Variants in TECRL observed in about 807,000 individuals in gnomAD.
TECRL encodes trans-2,3-enoyl-CoA reductase like, also known as trans-2,3-enoyl-CoA reductase-like.
In TECRL, 63 loss-of-function variants were observed where a neutral mutation model predicts 52.8. The observed-to-expected ratio is 1.19, with a 90% CI of 0.97 to 1.47. The LOEUF (loss-of-function observed/expected upper bound fraction) is 1.47. Ranked by LOEUF, TECRL falls within the 40% of genes most tolerant of loss-of-function variation. The pLI is 0.00. For missense variants in TECRL, 482 were observed against 429.6 expected (o/e 1.12, Z -1.08); for synonymous variants, 164 against 141.9 (o/e 1.16, Z -1.10).
At chr4:64,392,331 T>G (rs1028061448) in intron 1 of TECRL, among the ~76,000 whole-genome samples, 13 of 151,806 alleles carry the variant, frequency 8.6e-5, no homozygotes, top group African/African-American at 3.1e-4. Flanking sequence ...ATAGTAATAT[T>G]TATTTGCGTC....
chr4:64,304,511 T>A (rs1724212342), intron 7 of TECRL, among the ~76,000 whole-genome samples: 2 of 152,024 alleles, frequency 1.3e-5, no homozygotes, highest in Non-Finnish European at 2.9e-5. Context: ...CCCACAAAAA[T>A]AATTGTCAAA....
At chr4:64,388,850 CAT>C (rs1351273389) in intron 1 of TECRL, among the ~76,000 whole-genome samples, 1 of 151,710 alleles carries the variant, frequency 6.6e-6, no homozygotes, top group African/African-American at 2.4e-5. Flanking sequence ...AACAATTACA[CAT>C]GATTGTTTTA....
intron 2 of TECRL, among the ~76,000 whole-genome samples, chr4:64,353,434 G>T (rs10014267): frequency 0.66 from 100,789 of 151,980 alleles, 34,783 homozygotes; most frequent in Non-Finnish European, 0.76. Flanking sequence ...TTGAACTGTG[G>T]TTGTTATAAT....
intron 1 of TECRL, among the ~76,000 whole-genome samples, chr4:64,392,171 A>T (rs374496656): frequency 2.6e-4 from 39 of 152,062 alleles, no homozygotes; most frequent in African/African-American, 7.7e-4. Context: ...AGGTAATTAA[A>T]TTAGGTTAGG....
intron 7 of TECRL, 56 bp from the exon 8 acceptor site, chr4:64,300,073 T>C: frequency 3.0e-6 from 4 of 1,319,464 alleles, no homozygotes; most frequent in Non-Finnish European, 4.2e-6. Context: ...GATTGTCAAA[T>C]ATATAGACAT....
intron 9 of TECRL, among the ~76,000 whole-genome samples, chr4:64,282,306 T>C (rs556619889): frequency 1.3e-5 from 2 of 152,094 alleles, no homozygotes; most frequent in East Asian, 3.9e-4. Flanking sequence ...AATTATAAAA[T>C]TACTGTTTTA....
In TECRL at chr4:64,278,413, A is replaced by G. The variant is rs1311338233; in HGVS notation, c.*1659T>C. On this transcript the variant is annotated 3_prime_UTR_variant, in exon 12 of 12. Transcript: ENST00000381210. ...ATTGTCAAAATAATGAGATTCAAGT[A>G]ATTTAAATGTCAAAACTTTAAAAAA... 4.1e-6 allele frequency: 1 copy of G among 245,134 alleles called. No individual in the cohort carries two copies. The highest frequency in any genetic ancestry group is 6.5e-6 in the Non-Finnish European group (1 of 153,402). 15.2% of individuals were successfully genotyped at this position (245,134 alleles called of 1,614,324 possible).
intron 2 of TECRL, among the ~76,000 whole-genome samples, chr4:64,336,235 T>C (rs1028105037): frequency 2.0e-5 from 3 of 152,212 alleles, no homozygotes; most frequent in Non-Finnish European, 4.4e-5. Flanking sequence ...CCTGGTTTAG[T>C]CTTGAGAGGG....
chr4:64,282,933 G>A (rs911715014), intron 9 of TECRL, among the ~76,000 whole-genome samples: 6 of 152,046 alleles, frequency 3.9e-5, no homozygotes, highest in Middle Eastern at 3.4e-3. Context: ...AAGTCAGGAG[G>A]TTTTTTACAT....
At chr4:64,362,624 A>G (rs1383814934) in intron 2 of TECRL, among the ~76,000 whole-genome samples, 1 of 142,194 alleles carries the variant, frequency 7.0e-6, no homozygotes, top group Non-Finnish European at 1.5e-5. Flanking sequence ...ACAAAAAATA[A>G]AACTTTTTTC....
At chr4:64,292,989 C>A (rs1322439623) in intron 8 of TECRL, among the ~76,000 whole-genome samples, 1 of 151,922 alleles carries the variant, frequency 6.6e-6, no homozygotes, top group African/African-American at 2.4e-5. Context: ...TGGCTTAAAG[C>A]AAATTTAAAA....
intron 2 of TECRL, among the ~76,000 whole-genome samples, chr4:64,342,115 C>A (rs993038136): frequency 1.3e-5 from 2 of 152,144 alleles, no homozygotes; most frequent in African/African-American, 4.8e-5. Context: ...AAAAGCAACA[C>A]CCTAAAAATC....
At chr4:64,307,574 C>A (rs928955683) in intron 6 of TECRL, among the ~76,000 whole-genome samples, 3 of 152,154 alleles carry the variant, frequency 2.0e-5, no homozygotes, top group Admixed American at 1.3e-4. Flanking sequence ...TCTCCCCTCT[C>A]TTTCCATATG....
chr4:64,305,239 CT>C lies in TECRL; in HGVS notation c.658-2del. On this transcript the variant is annotated splice_acceptor_variant, in intron 6 of 11. Transcript: ENST00000381210. LOFTEE classifies it high-confidence loss of function. The stretch of plus-strand genomic sequence containing the variant: ...TAAATCCCCAGTAAAAGGCACAACT[CT>C]GCAAACAAAACAAAACAAAATAAAA... 6.2e-7 allele frequency: 1 copy of C among 1,611,918 alleles called. No homozygotes were observed. The highest frequency in any genetic ancestry group is 1.3e-5 in the African/African-American group (1 of 74,850).
intron 4 of TECRL, among the ~76,000 whole-genome samples, chr4:64,320,687 T>C (rs1717837020): frequency 6.6e-6 from 1 of 152,206 alleles, no homozygotes; most frequent in South Asian, 2.1e-4. Flanking sequence ...CCTGACACAA[T>C]TTCTGTAAAC....
At chr4:64,321,593 A>G (rs1288094351) in intron 4 of TECRL, among the ~76,000 whole-genome samples, 1 of 152,150 alleles carries the variant, frequency 6.6e-6, no homozygotes, top group Non-Finnish European at 1.5e-5. Flanking sequence ...CTGTTACTAA[A>G]TATCATATTA....
rs1044688194 is a variant in TECRL, at chr4:64,314,643, C to G, written c.551+5G>C. 1.4e-6 allele frequency: 2 copies of G among 1,419,460 alleles called. No homozygotes were observed. Among genetic ancestry groups the G allele is most frequent in the Non-Finnish European group, 2.0e-6 (2 of 1,007,116 alleles). The allele number at this position is 1,419,460 out of a possible 1,614,324, so 87.9% of individuals were successfully genotyped here. A position where few individuals can be genotyped will look rare whatever the true frequency, so the allele number is the denominator to read the frequency against. On this transcript the variant is annotated splice_donor_5th_base_variant and intron_variant, in intron 5 of 11. Coordinates refer to ENST00000381210, the MANE Select transcript of TECRL (RefSeq NM_001010874.5). The stretch of plus-strand genomic sequence containing the variant: ...TGTGTGTGTGTGTGTGTGTGTATCA[C>G]TTACTGTACCACTGGGTGGCGTAAT...
intron 2 of TECRL, among the ~76,000 whole-genome samples, chr4:64,338,685 T>G (rs783636): frequency 6.6e-6 from 1 of 152,180 alleles, no homozygotes; most frequent in African/African-American, 2.4e-5. Context: ...TGATAAAATG[T>G]TCATCATCAC....
intron 1 of TECRL, among the ~76,000 whole-genome samples, chr4:64,384,857 AG>A (rs1451177828): frequency 6.6e-6 from 1 of 152,132 alleles, no homozygotes; most frequent in African/African-American, 2.4e-5. Flanking sequence ...ACACTGGAAA[AG>A]GTGGTCCCAG....
Sources: allele counts gnomAD v4.1 joint callset (sites outside exome capture counted in the v4.1 genomes callset), GRCh38; gene constraint gnomAD v4.1.1; transcripts MANE v1.5; gene names NCBI Gene and HGNC (gene_info 2026-07-23, HGNC 2026-07-21).